Variants in RBFOX1 observed in about 807,000 individuals in gnomAD.
RBFOX1 encodes the protein RNA binding fox-1 homolog 1, also known as RNA binding protein fox-1 homolog 1.
In RBFOX1, 8 loss-of-function variants were observed where a neutral mutation model predicts 57.7. That is an observed-to-expected ratio of 0.14 (90% CI 0.08 to 0.25). The LOEUF is 0.25. Among genes scored for constraint, RBFOX1 ranks in the 10% least tolerant of loss-of-function variants. The pLI, the probability that RBFOX1 is intolerant of heterozygous loss-of-function variation, is 1.00. For missense variants in RBFOX1, 611 were observed against 548.5 expected (o/e 1.11, Z -1.14); for synonymous variants, 326 against 222.4 (o/e 1.47, Z -4.15).
At position 7,030,247 on chromosome 16, in the gene RBFOX1, T is replaced by C. The variant is rs184915455; in HGVS notation, c.-15-21810T>C. On this transcript the variant is annotated intron_variant, in intron 3 of 15. Transcript: ENST00000550418. Reference sequence around the variant, plus strand: ...CTGTTCTTCAGTGACACAGATGGGATGGAGTGGAGTGCCTCTGTTTAATGG... The same window carrying C: ...CTGTTCTTCAGTGACACAGATGGGACGGAGTGGAGTGCCTCTGTTTAATGG... 2.1e-4 allele frequency among the ~76,000 whole-genome samples: 32 copies of C among 152,268 alleles called. 1 individual carries two copies. Among genetic ancestry groups the C allele is most frequent in the African/African-American group, 7.0e-4 (29 of 41,568 alleles).
chr16:6,324,932 A>G (rs1016488927), intron 2 of RBFOX1, among the ~76,000 whole-genome samples: 5 of 152,330 alleles, frequency 3.3e-5, no homozygotes, highest in East Asian at 3.9e-4. Context: ...TTCTCTTGAC[A>G]GGAGAGTGTA....
At chr16:7,622,857 A>T (rs966328712) in intron 10 of RBFOX1, among the ~76,000 whole-genome samples, 3 of 152,208 alleles carry the variant, frequency 2.0e-5, no homozygotes, top group Admixed American at 6.5e-5. Flanking sequence ...CCCTTCAGAG[A>T]AGCTCATCTT....
Position 6,019,182 on chromosome 16 carries a change from C to A in RBFOX1, c.-937C>A. On this transcript the variant is annotated 5_prime_UTR_variant, in exon 1 of 16. Transcript: ENST00000550418. The surrounding 1 kb of genome is among the most constrained non-coding windows in gnomAD (Gnocchi z 4.2). ...ATCTATATTTTTACTGGAAGATTTC[C>A]TCTTTATTCTCTCCCGCCCTCCTAC... is the stretch of plus-strand genomic sequence containing the variant. The A allele has an allele frequency of 1.0e-6, 1 of 985,332 alleles. No individual in the cohort carries two copies. The allele number at this position is 985,332 out of a possible 1,614,324, so 61.0% of individuals were successfully genotyped here.
intron 2 of RBFOX1, among the ~76,000 whole-genome samples, chr16:6,502,127 C>A (rs1315896581): frequency 6.6e-6 from 1 of 152,108 alleles, no homozygotes. Context: ...CAAAAAATTC[C>A]TTCAGTGTCC....
intron 4 of RBFOX1, among the ~76,000 whole-genome samples, chr16:5,918,729 G>A (rs191647418): frequency 6.6e-6 from 1 of 152,230 alleles, no homozygotes. Context: ...CTAGGACTGT[G>A]AATTTGCATA....
At chr16:6,481,666 G>C (rs1375583891) in intron 2 of RBFOX1, among the ~76,000 whole-genome samples, 1 of 152,164 alleles carries the variant, frequency 6.6e-6, no homozygotes, top group Non-Finnish European at 1.5e-5. Context: ...GGTGCTGTTG[G>C]AAAATGTGTC....
chr16:6,485,530 G>A (rs201260809), intron 2 of RBFOX1, among the ~76,000 whole-genome samples: 1 of 147,644 alleles, frequency 6.8e-6, no homozygotes, highest in East Asian at 2.0e-4. Flanking sequence ...AGGATCACCA[G>A]AGCCTGTTTT....
chr16:6,801,454 C>G (rs1055346323), intron 3 of RBFOX1, among the ~76,000 whole-genome samples: 32 of 152,068 alleles, frequency 2.1e-4, no homozygotes, highest in African/African-American at 7.7e-4. Context: ...CATGTGTAGC[C>G]TAATAGCAAA....
chr16:7,237,557 T>A (rs909466154), intron 4 of RBFOX1, among the ~76,000 whole-genome samples: 1 of 152,236 alleles, frequency 6.6e-6, no homozygotes, highest in Non-Finnish European at 1.5e-5. Flanking sequence ...AGACTCTAGA[T>A]TTGGACCAAC....
intron 3 of RBFOX1, among the ~76,000 whole-genome samples, chr16:5,631,034 G>A (rs967934403): frequency 1.3e-5 from 2 of 152,212 alleles, no homozygotes; most frequent in Admixed American, 6.5e-5. Flanking sequence ...TGTATCTAGA[G>A]GTTGTCCACA....
At chr16:5,884,652 G>T (rs1291284596) in intron 4 of RBFOX1, among the ~76,000 whole-genome samples, 1 of 152,066 alleles carries the variant, frequency 6.6e-6, no homozygotes, top group Non-Finnish European at 1.5e-5. Context: ...CTCATTCCAT[G>T]TTGGAGTCGA....
intron 2 of RBFOX1, among the ~76,000 whole-genome samples, chr16:5,573,430 C>A (rs2046351105): frequency 6.6e-6 from 1 of 152,182 alleles, no homozygotes; most frequent in Admixed American, 6.5e-5. Flanking sequence ...CCTGGACCCC[C>A]ACCTGAATAT....
intron 4 of RBFOX1, among the ~76,000 whole-genome samples, chr16:7,275,220 A>C (rs2095417702): frequency 6.6e-6 from 1 of 152,190 alleles, no homozygotes; most frequent in Non-Finnish European, 1.5e-5. Context: ...ATGCTACACT[A>C]CTAACTCATT....
chr16:6,999,169 TTTTTA>T (rs71408491), intron 3 of RBFOX1, among the ~76,000 whole-genome samples: 97 of 128,026 alleles, frequency 7.6e-4, no homozygotes, highest in South Asian at 3.7e-3. Flanking sequence ...GAGCCTGGCC[TTTTTA>T]TTTTATTTTA....
At chr16:6,229,811 T>C (rs545312462) in intron 1 of RBFOX1, among the ~76,000 whole-genome samples, 1 of 152,302 alleles carries the variant, frequency 6.6e-6, no homozygotes, top group South Asian at 2.1e-4. Context: ...AGAATACATA[T>C]ATCTTAGACT....
intron 2 of RBFOX1, among the ~76,000 whole-genome samples, chr16:6,602,119 T>C (rs2154008410): frequency 6.6e-6 from 1 of 152,308 alleles, no homozygotes; most frequent in Admixed American, 6.5e-5. Flanking sequence ...GTCTGTCTTC[T>C]TTGGAGAAAT....
chr16:6,703,052 G>A (rs2062100670), intron 3 of RBFOX1, among the ~76,000 whole-genome samples: 1 of 152,180 alleles, frequency 6.6e-6, no homozygotes, highest in Admixed American at 6.5e-5. Flanking sequence ...TATCTCACTT[G>A]CCTCAAGGTT....
chr16:7,307,806 A>G (rs2096225928), intron 4 of RBFOX1, among the ~76,000 whole-genome samples: 1 of 152,174 alleles, frequency 6.6e-6, no homozygotes, highest in African/African-American at 2.4e-5. Context: ...CCACTTTCAG[A>G]TGGAACGGAC....
chr16:7,062,154 A>G (rs1310539244), intron 4 of RBFOX1, among the ~76,000 whole-genome samples: 2 of 151,704 alleles, frequency 1.3e-5, no homozygotes, highest in African/African-American at 4.8e-5. Context: ...CATCTCTACT[A>G]AAAACACACA....
Sources: gnomAD v4.1 joint callset for allele counts (sites outside exome capture counted in the v4.1 genomes callset) on GRCh38, gnomAD v4.1.1 for gene constraint, Gnocchi (gnomAD v3.1) non-coding constraint, MANE v1.5 for transcripts, NCBI Gene and HGNC (gene_info 2026-07-23, HGNC 2026-07-21) for gene names.